The following ZNF33A variants were observed in gnomAD, a reference collection of about 807,000 sequenced individuals.
ZNF33A encodes brain my041 protein.
Under a neutral mutation model 15.9 loss-of-function variants are expected in ZNF33A, and 9 were observed. That is an observed-to-expected ratio of 0.57 (90% CI 0.34 to 0.99). The LOEUF is 0.99. Ranked by LOEUF, ZNF33A falls within the 50% of genes least tolerant of loss-of-function variation. The pLI, the probability that ZNF33A is intolerant of heterozygous loss-of-function variation, is 0.02. For synonymous variants in ZNF33A, 294 were observed against 324.2 expected, an observed-to-expected ratio of 0.91 and a Z score of 1.00; for missense variants, 843 against 941.6, an observed-to-expected ratio of 0.90 and a Z score of 1.37.
At chr10:38,012,850 G>C (rs11817782) in intron 2 of ZNF33A, among the ~76,000 whole-genome samples, 5,133 of 152,244 alleles carry the variant, frequency 0.034, 156 homozygotes, top group African/African-American at 0.083. Context: ...AGCTTCGTAT[G>C]TTTCTTACGT....
intron 4 of ZNF33A, among the ~76,000 whole-genome samples, chr10:38,047,190 CAAAAAAAAAAAAAA>C (rs61278605): frequency 1.6e-5 from 1 of 64,024 alleles, no homozygotes; most frequent in African/African-American, 7.3e-5. Context: ...CCACCCCTGC[CAAAAAAAAAAAAAA>C]AAAAAAAAAG....
At chr10:38,048,594 G>T (rs1423085554) in intron 4 of ZNF33A, among the ~76,000 whole-genome samples, 2 of 152,132 alleles carry the variant, frequency 1.3e-5, no homozygotes, top group Non-Finnish European at 2.9e-5. Context: ...AATGGGAAAA[G>T]ATATAGAATG....
At chr10:38,049,539 G>A (rs1251692535) in intron 4 of ZNF33A, among the ~76,000 whole-genome samples, 2 of 152,030 alleles carry the variant, frequency 1.3e-5, no homozygotes, top group African/African-American at 2.4e-5. Context: ...TGTATTATGT[G>A]TAATGTATAT....
intron 4 of ZNF33A, among the ~76,000 whole-genome samples, chr10:38,049,132 A>G (rs1489584880): frequency 4.6e-5 from 7 of 152,190 alleles, no homozygotes; most frequent in Non-Finnish European, 8.8e-5. Context: ...AGAACTATCT[A>G]TAAAATCCCT....
chr10:38,044,169 G>A (rs1289024423), intron 4 of ZNF33A, among the ~76,000 whole-genome samples: 3 of 148,362 alleles, frequency 2.0e-5, no homozygotes, highest in African/African-American at 7.4e-5. Context: ...TAAGTTTACT[G>A]ATTATTTTGC....
Position 38,056,592 on chromosome 10 carries a change from A to G in ZNF33A, c.*32A>G. On this transcript the variant is annotated 3_prime_UTR_variant, in exon 5 of 5. Coordinates refer to ENST00000432900, the MANE Select transcript of ZNF33A (RefSeq NM_006954.2). The stretch of plus-strand genomic sequence containing the variant: ...ACAAACTCACCTTATGTTACTCCAA[A>G]GTAATAGTAGGGGATAAACCCATAG... 1 of 1,528,674 alleles carries G rather than the reference A, an allele frequency of 6.5e-7. No individual in the cohort carries two copies. The highest frequency in any genetic ancestry group is 1.3e-5 in the South Asian group (1 of 74,952). The allele number at this position is 1,528,674 out of a possible 1,614,324, so 94.7% of individuals were successfully genotyped here.
At position 38,055,946 on chromosome 10, in the gene ZNF33A, C is replaced by A. The variant is rs765414556; in HGVS notation, c.1822C>A (p.Pro608Thr). The A allele has an allele frequency of 1.9e-6, 3 of 1,613,798 alleles. No individual in the cohort carries two copies. The highest frequency in any genetic ancestry group is 1.7e-5 in the Admixed American group (1 of 59,988). ...KHNRTHTGEKPYECNECGKAF... is the reference protein window; with the variant it reads ...KHNRTHTGEKTYECNECGKAF... The stretch of plus-strand genomic sequence containing the variant: ...TAATAGAACACATACAGGGGAGAAA[C>A]CCTATGAATGTAATGAATGTGGAAA... Residue 608 changes from proline (P) to threonine (T), a missense_variant, in exon 5 of 5, where the codon CCC becomes ACC. By Grantham distance (38) the Pro-to-Thr change is conservative (BLOSUM62 -1). Coordinates refer to ENST00000432900, the MANE Select transcript of ZNF33A (RefSeq NM_006954.2).
intron 4 of ZNF33A, among the ~76,000 whole-genome samples, chr10:38,026,656 G>A (rs527973311): frequency 6.6e-5 from 10 of 152,280 alleles, no homozygotes; most frequent in African/African-American, 1.4e-4. Context: ...TTTGTTGCTC[G>A]TGCATTTTAT....
At chr10:38,047,443 C>A (rs2065996364) in intron 4 of ZNF33A, among the ~76,000 whole-genome samples, 1 of 151,510 alleles carries the variant, frequency 6.6e-6, no homozygotes, top group Admixed American at 6.6e-5. Flanking sequence ...TGTTGGCCAA[C>A]ATGGTGAAAC....
Position 38,028,721 on chromosome 10 carries a change from G to A in ZNF33A, c.250+11335G>A, listed in dbSNP as rs189821595. On this transcript the variant is annotated intron_variant, in intron 4 of 4. Coordinates refer to ENST00000432900, the MANE Select transcript of ZNF33A (RefSeq NM_006954.2). ...GGCCTCAAGTGATCCACCCATCTCGGCCTCCCAAAGTGCTGGAATTACAGG... is the reference window on the plus strand; with the variant it reads ...GGCCTCAAGTGATCCACCCATCTCGACCTCCCAAAGTGCTGGAATTACAGG... 4.4e-3 allele frequency among the ~76,000 whole-genome samples: 665 copies of A among 152,216 alleles called. 15 individuals carry two copies. Among genetic ancestry groups the A allele is most frequent in the Admixed American group, 0.036 (549 of 15,274 alleles).
chr10:38,064,067 A>G, downstream of ZNF33A: 1 of 1,594,982 alleles, frequency 6.3e-7, no homozygotes, highest in Non-Finnish European at 8.5e-7. Flanking sequence ...TATTGTTCTC[A>G]CCATCCTTAC....
At chr10:38,061,949 C>T (rs1172585623), downstream of ZNF33A, among the ~76,000 whole-genome samples, 2 of 151,996 alleles carry the variant, frequency 1.3e-5, no homozygotes, top group Non-Finnish European at 2.9e-5. Context: ...AGAGCAAGAC[C>T]GTCTCAAAAC....
intron 2 of ZNF33A, among the ~76,000 whole-genome samples, chr10:38,014,035 ATTTTTTTTTTT>A (rs10658326): frequency 3.6e-4 from 29 of 80,380 alleles, no homozygotes; most frequent in South Asian, 1.1e-3. Flanking sequence ...ATGATGTCTG[ATTTTTTTTTTT>A]TTTTTTTTTT....
chr10:38,024,914 C>G (rs766186643), intron 4 of ZNF33A, among the ~76,000 whole-genome samples: 4 of 152,210 alleles, frequency 2.6e-5, no homozygotes, highest in Non-Finnish European at 5.9e-5. Flanking sequence ...TACTTAGTAA[C>G]TGTCTTGATT....
chr10:38,064,611 G>T (rs2066692037), downstream of ZNF33A: 2 of 152,816 alleles, frequency 1.3e-5, no homozygotes, highest in Admixed American at 1.3e-4. Context: ...CGGGCTAGGA[G>T]ACACTGGCTG....
chr10:38,039,220 T>C (rs1158396846), intron 4 of ZNF33A, among the ~76,000 whole-genome samples: 1 of 151,932 alleles, frequency 6.6e-6, no homozygotes, highest in Non-Finnish European at 1.5e-5. Flanking sequence ...GGAAGTTTTC[T>C]TGTCTGTTTT....
intron 4 of ZNF33A, among the ~76,000 whole-genome samples, chr10:38,051,659 AT>A (rs2066210171): frequency 1.3e-5 from 2 of 151,856 alleles, no homozygotes; most frequent in Non-Finnish European, 2.9e-5. Flanking sequence ...TTTTTTTGTG[AT>A]TTGTAAATTT....
At chr10:38,047,306 G>A (rs2065989401) in intron 4 of ZNF33A, among the ~76,000 whole-genome samples, 2 of 150,092 alleles carry the variant, frequency 1.3e-5, no homozygotes, top group South Asian at 4.2e-4. Flanking sequence ...CCATCCAAAT[G>A]AAACAGAGAA....
chr10:38,054,651 T>C lies in ZNF33A; in HGVS notation c.527T>C (p.Leu176Ser). The C allele has an allele frequency of 1.2e-6, 2 of 1,613,048 alleles. No individual in the cohort carries two copies. Among genetic ancestry groups the C allele is most frequent in the Non-Finnish European group, 1.7e-6 (2 of 1,179,768 alleles). Residue 176 changes from leucine to serine, a missense_variant, in exon 5 of 5, where the codon TTG becomes TCG. Coordinates refer to ENST00000432900, the MANE Select transcript of ZNF33A (RefSeq NM_006954.2). Reference sequence around the variant, plus strand: ...GATGAATTTAATGCCTGTGGGAAATTGTTACTCAATATTAAGCATGATGAA... The same window carrying C: ...GATGAATTTAATGCCTGTGGGAAATCGTTACTCAATATTAAGCATGATGAA... The part of the protein sequence containing the change: ...KSDEFNACGK[L>S]LLNIKHDETH...
Sources: allele counts gnomAD v4.1 joint callset (sites outside exome capture counted in the v4.1 genomes callset), GRCh38; gene constraint gnomAD v4.1.1; transcripts MANE v1.5; gene names NCBI Gene and HGNC (gene_info 2026-07-23, HGNC 2026-07-21).